The following GDPD4 variants were observed in gnomAD, a reference collection of about 807,000 sequenced individuals.
GDPD4 encodes the protein glycerophosphodiester phosphodiesterase 6.
Under a neutral mutation model 67.8 loss-of-function variants are expected in GDPD4, and 60 were observed. The ratio of observed to expected loss-of-function variants is 0.88; its 90% confidence interval spans 0.72 to 1.10. The LOEUF is 1.10. GDPD4 is among the 50% of genes least tolerant of loss of function. The probability of loss-of-function intolerance (pLI) is 0.00; values close to 1 mark genes in which losing one functional copy is unlikely to be tolerated. For synonymous variants in GDPD4, 212 were observed against 210.9 expected (o/e 1.00, Z -0.04); for missense variants, 623 against 613.9 (o/e 1.01, Z -0.16).
chr11:77,217,738 A>G (rs1473585578), intron 16 of GDPD4, among the ~76,000 whole-genome samples: 1 of 152,184 alleles, frequency 6.6e-6, no homozygotes, highest in Admixed American at 6.5e-5. Context: ...TGCTCAATAA[A>G]CAATTTCTGT....
chr11:77,281,383 G>A (rs985981068), intron 3 of GDPD4, among the ~76,000 whole-genome samples: 5 of 152,200 alleles, frequency 3.3e-5, no homozygotes, highest in East Asian at 3.9e-4. Context: ...AGGAACCCTC[G>A]CACAGTTTGA....
intron 1 of GDPD4, among the ~76,000 whole-genome samples, chr11:77,288,668 T>A (rs377595150): frequency 2.6e-5 from 4 of 151,988 alleles, no homozygotes; most frequent in Admixed American, 6.6e-5. Context: ...TCTTCCCCTA[T>A]GAAAGCCAAC....
At chr11:77,253,921 G>A (rs1384249971) in intron 11 of GDPD4, among the ~76,000 whole-genome samples, 1 of 152,152 alleles carries the variant, frequency 6.6e-6, no homozygotes, top group African/African-American at 2.4e-5. Flanking sequence ...AGGGGGAGGG[G>A]TAGGTGAAAC....
At chr11:77,274,006 G>A (rs1959336413) in intron 5 of GDPD4, among the ~76,000 whole-genome samples, 2 of 152,274 alleles carry the variant, frequency 1.3e-5, no homozygotes, top group South Asian at 4.2e-4. Context: ...TTCTGCTGTG[G>A]CAGAGGCCAA....
chr11:77,243,894 A>C (rs1958727299), intron 12 of GDPD4, 46 bp from the exon 13 acceptor site: 1 of 1,386,948 alleles, frequency 7.2e-7, no homozygotes, highest in East Asian at 2.3e-5. Flanking sequence ...TCAGCTATCC[A>C]GGTACGAACA....
At chr11:77,243,985 G>A (rs1958728918) in intron 12 of GDPD4, 137 bp from the exon 13 acceptor site, 2 of 617,740 alleles carry the variant, frequency 3.2e-6, no homozygotes, top group Non-Finnish European at 5.7e-6. Context: ...CTAGTCCTTG[G>A]TGAAAGAGTC....
chr11:77,299,867 G>A (rs1315033169), intron 1 of GDPD4, among the ~76,000 whole-genome samples: 1 of 152,076 alleles, frequency 6.6e-6, no homozygotes, highest in Non-Finnish European at 1.5e-5. Flanking sequence ...GTGAACAGTT[G>A]GAGTCAAATA....
chr11:77,238,951 A>G (rs1408239802), intron 13 of GDPD4, among the ~76,000 whole-genome samples: 1 of 152,202 alleles, frequency 6.6e-6, no homozygotes, highest in Non-Finnish European at 1.5e-5. Flanking sequence ...ATCCCAACAC[A>G]ATACTAACAA....
At chr11:77,218,453 A>G (rs1958167676) in intron 16 of GDPD4, among the ~76,000 whole-genome samples, 1 of 152,148 alleles carries the variant, frequency 6.6e-6, no homozygotes, top group African/African-American at 2.4e-5. Flanking sequence ...GGTTTGTTAC[A>G]TATGTATACA....
At chr11:77,296,640 G>A (rs1331690498) in intron 1 of GDPD4, among the ~76,000 whole-genome samples, 1 of 151,760 alleles carries the variant, frequency 6.6e-6, no homozygotes, top group Non-Finnish European at 1.5e-5. Context: ...GATCTTGATT[G>A]GAACCTGTGA....
At chr11:77,221,861 GAGTCTA>G (rs202189313) in intron 16 of GDPD4, among the ~76,000 whole-genome samples, 134,122 of 150,350 alleles carry the variant, frequency 0.89, 59,990 homozygotes, top group Middle Eastern at 0.93. Context: ...TATTGTGTTG[GAGTCTA>G]AGTCTCTTTG....
At chr11:77,229,366 A>G in intron 14 of GDPD4, 134 bp from the exon 15 acceptor site, 1 of 589,348 alleles carries the variant, frequency 1.7e-6, no homozygotes, top group Non-Finnish European at 3.0e-6. Flanking sequence ...AGGAACCTTG[A>G]TTGATGTGGC....
chr11:77,273,823 T>C (rs1398480254), intron 5 of GDPD4, among the ~76,000 whole-genome samples: 1 of 152,240 alleles, frequency 6.6e-6, no homozygotes, highest in Non-Finnish European at 1.5e-5. Context: ...GTATCACCTA[T>C]GATCAGCTAA....
chr11:77,279,964 A>T lies in GDPD4; in HGVS notation c.54-565T>A, dbSNP rs186458604. ...GAATCTTCATCTCAAGAAAACAGAA[A>T]TTTCCTCCTCTCCGTACAAAACCTG... On this transcript the variant is annotated intron_variant, in intron 3 of 16. Coordinates refer to ENST00000315938, the MANE Select transcript of GDPD4 (RefSeq NM_182833.3). 7.2e-5 allele frequency among the ~76,000 whole-genome samples: 11 copies of T among 152,288 alleles called. No homozygotes were observed. In the East Asian group the frequency reaches 2.1e-3, roughly 29 times the overall value.
At chr11:77,238,384 G>A (rs1439717632) in intron 13 of GDPD4, among the ~76,000 whole-genome samples, 2 of 152,048 alleles carry the variant, frequency 1.3e-5, no homozygotes, top group African/African-American at 4.8e-5. Context: ...AGGAGTTTGA[G>A]ACCAGCCTGG....
chr11:77,223,941 C>G (rs1958276573), intron 16 of GDPD4, among the ~76,000 whole-genome samples: 1 of 152,184 alleles, frequency 6.6e-6, no homozygotes, highest in Non-Finnish European at 1.5e-5. Context: ...CCTTGCAGTT[C>G]CATCTGGACT....
chr11:77,268,841 G>A (rs953789325), intron 9 of GDPD4, 83 bp downstream of exon 9: 3 of 1,373,248 alleles, frequency 2.2e-6, no homozygotes, highest in Middle Eastern at 2.6e-4. Flanking sequence ...CTCTCCAGGG[G>A]CTTCCATGGT....
Position 77,276,146 on chromosome 11 carries a change from A to T in GDPD4, c.207+15T>A. 6.2e-7 allele frequency: 1 copy of T among 1,604,696 alleles called. No homozygotes were observed. The highest frequency in any genetic ancestry group is 8.5e-7 in the Non-Finnish European group (1 of 1,171,474). ...TCCTGGTCTAAGGTTTCCTATGTGG[A>T]CTCAGATGTCCTACCTTATGACACA... On this transcript the variant is annotated intron_variant, in intron 5 of 16. Coordinates refer to ENST00000315938, the MANE Select transcript of GDPD4 (RefSeq NM_182833.3).
intron 3 of GDPD4, among the ~76,000 whole-genome samples, chr11:77,279,643 T>C (rs1959665212): frequency 6.6e-6 from 1 of 152,014 alleles, no homozygotes; most frequent in African/African-American, 2.4e-5. Context: ...TTAGAATACA[T>C]ATTTAAAAAT....
Sources: gnomAD v4.1 joint callset for allele counts (sites outside exome capture counted in the v4.1 genomes callset) on GRCh38, gnomAD v4.1.1 for gene constraint, MANE v1.5 for transcripts, NCBI Gene and HGNC (gene_info 2026-07-23, HGNC 2026-07-21) for gene names.